The following TAF3 variants were observed in gnomAD, a reference collection of about 807,000 sequenced individuals.
TAF3 encodes TATA-box binding protein associated factor 3, also known as transcription initiation factor TFIID subunit 3.
Under a neutral mutation model 80.6 loss-of-function variants are expected in TAF3, and 7 were observed. The ratio of observed to expected loss-of-function variants is 0.09; its 90% CI spans 0.05 to 0.16. TAF3 has a LOEUF of 0.16. Ranked by LOEUF, TAF3 falls within the 10% of genes least tolerant of loss-of-function variation. The probability of loss-of-function intolerance (pLI) is 1.00; values close to 1 mark genes in which losing one functional copy is unlikely to be tolerated. For synonymous variants in TAF3, 444 were observed against 446.1 expected, an observed-to-expected ratio of 1.00 and a Z score of 0.06; for missense variants, 921 against 1,140.2, an observed-to-expected ratio of 0.81 and a Z score of 2.77.
At chr10:7,882,928 G>A (rs896833730) in intron 2 of TAF3, among the ~76,000 whole-genome samples, 2 of 152,192 alleles carry the variant, frequency 1.3e-5, no homozygotes, top group Non-Finnish European at 2.9e-5. Context: ...GTAGATACAT[G>A]TTATTTTTTG....
chr10:7,906,938 G>A lies in TAF3; in HGVS notation c.410-56982G>A, dbSNP rs187262307. On this transcript the variant is annotated intron_variant, in intron 2 of 6. Transcript: ENST00000344293. ...GCCTCTTGACATTCCTAACCTAACA[G>A]CGTGATTCTTATCTAAGACTTTGCA... is the stretch of plus-strand genomic sequence containing the variant. Among the ~76,000 whole-genome samples, 13 of 151,884 alleles carry A rather than the reference G, an allele frequency of 8.6e-5. No homozygotes were observed. In the East Asian group the frequency reaches 2.6e-3, roughly 30 times the overall value.
intron 2 of TAF3, among the ~76,000 whole-genome samples, chr10:7,918,254 A>G (rs4747631): frequency 0.35 from 53,694 of 151,962 alleles, 10,614 homozygotes; most frequent in Admixed American, 0.48. Context: ...ACGAGAATGT[A>G]TGAAATGGTC....
chr10:7,926,583 G>T (rs1020088442), intron 2 of TAF3, among the ~76,000 whole-genome samples: 1 of 152,204 alleles, frequency 6.6e-6, no homozygotes, highest in African/African-American at 2.4e-5. Flanking sequence ...ATGAGTTATT[G>T]TCTGTTATGG....
intron 2 of TAF3, among the ~76,000 whole-genome samples, chr10:7,961,534 GTTC>G (rs1231768385): frequency 1.3e-5 from 2 of 152,062 alleles, no homozygotes; most frequent in Non-Finnish European, 2.9e-5. Context: ...TATTTCTTTA[GTTC>G]TTCTTCCTTT....
At chr10:7,981,227 C>T (rs888624337) in intron 4 of TAF3, among the ~76,000 whole-genome samples, 3 of 152,206 alleles carry the variant, frequency 2.0e-5, no homozygotes, top group African/African-American at 7.2e-5. Context: ...TTGCTGCTGT[C>T]TTCTCCCAAG....
intron 1 of TAF3, among the ~76,000 whole-genome samples, chr10:7,822,237 C>A (rs1836696862): frequency 3.9e-5 from 5 of 127,666 alleles, no homozygotes; most frequent in African/African-American, 2.9e-5. Flanking sequence ...AATCTGAAAT[C>A]ATGGTTAAAA....
intron 4 of TAF3, among the ~76,000 whole-genome samples, chr10:7,992,817 T>C (rs1274838325): frequency 2.0e-5 from 3 of 152,238 alleles, no homozygotes; most frequent in Admixed American, 2.0e-4. Flanking sequence ...CACTTTCATC[T>C]GCTGGCAACT....
chr10:7,844,965 C>A (rs1836955241), intron 2 of TAF3, among the ~76,000 whole-genome samples: 3 of 151,890 alleles, frequency 2.0e-5, no homozygotes, highest in Non-Finnish European at 4.4e-5. Context: ...ACATGTTTTT[C>A]TTTTATATTA....
chr10:7,849,142 C>T lies in TAF3; in HGVS notation c.409+24582C>T, dbSNP rs186954620. Among the ~76,000 whole-genome samples the T allele has an allele frequency of 2.3e-3, 346 of 152,250 alleles. 2 individuals are homozygous for T. The highest frequency in any genetic ancestry group is 7.8e-3 in the African/African-American group (325 of 41,532). On this transcript the variant is annotated intron_variant, in intron 2 of 6. Transcript: ENST00000344293. ...TTCACACACATTAACTCATTGAATC[C>T]TCATAATAATCCTGTGAAGGAAGTA... is the stretch of plus-strand genomic sequence containing the variant.
intron 4 of TAF3, among the ~76,000 whole-genome samples, chr10:8,006,379 A>G (rs1831993859): frequency 6.6e-6 from 1 of 152,096 alleles, no homozygotes; most frequent in African/African-American, 2.4e-5. Flanking sequence ...TCCATCTCAA[A>G]AAAAAAAAAC....
intron 4 of TAF3, among the ~76,000 whole-genome samples, chr10:7,985,965 G>T (rs1831773173): frequency 6.6e-6 from 1 of 151,764 alleles, no homozygotes; most frequent in South Asian, 2.1e-4. Flanking sequence ...TGTATTTTTA[G>T]TAGAGACAGG....
At chr10:7,888,198 C>T (rs541835593) in intron 2 of TAF3, among the ~76,000 whole-genome samples, 2 of 152,248 alleles carry the variant, frequency 1.3e-5, no homozygotes, top group South Asian at 4.1e-4. Flanking sequence ...GATCTACACC[C>T]CTTCCTTGTT....
chr10:7,821,786 G>A (rs947466119), intron 1 of TAF3, among the ~76,000 whole-genome samples: 8 of 152,154 alleles, frequency 5.3e-5, no homozygotes, highest in African/African-American at 1.9e-4. Flanking sequence ...GATAAGAGGA[G>A]AGATGGCTGT....
At chr10:7,877,219 A>G (rs2131151041) in intron 2 of TAF3, among the ~76,000 whole-genome samples, 1 of 152,306 alleles carries the variant, frequency 6.6e-6, no homozygotes, top group Non-Finnish European at 1.5e-5. Flanking sequence ...GTCTTTAGAA[A>G]TAATTTATAC....
intron 2 of TAF3, among the ~76,000 whole-genome samples, chr10:7,911,841 CT>C (rs1189759215): frequency 6.6e-6 from 1 of 152,044 alleles, no homozygotes; most frequent in Non-Finnish European, 1.5e-5. Context: ...GGGGCCAAAA[CT>C]TTTTTTTCTC....
At chr10:7,985,994 G>A (rs1480514374) in intron 4 of TAF3, among the ~76,000 whole-genome samples, 1 of 151,914 alleles carries the variant, frequency 6.6e-6, no homozygotes, top group Non-Finnish European at 1.5e-5. Context: ...TTGTTGGCCA[G>A]GCTGGCCTCA....
At chr10:7,862,390 C>G (rs958647403) in intron 2 of TAF3, among the ~76,000 whole-genome samples, 7 of 152,152 alleles carry the variant, frequency 4.6e-5, no homozygotes, top group African/African-American at 1.7e-4. Context: ...AGGAAGTTAC[C>G]TTAGTTCAAC....
intron 2 of TAF3, among the ~76,000 whole-genome samples, chr10:7,959,569 C>T (rs1337765638): frequency 2.0e-5 from 3 of 152,130 alleles, no homozygotes; most frequent in Non-Finnish European, 1.5e-5. Context: ...TACTTTAAAT[C>T]AAGCTTAATG....
At chr10:7,846,172 C>G (rs368559545) in intron 2 of TAF3, among the ~76,000 whole-genome samples, 2 of 151,986 alleles carry the variant, frequency 1.3e-5, no homozygotes, top group East Asian at 3.9e-4. Context: ...TTAGCCAGGA[C>G]GGTCTCGATC....
Sources: allele counts gnomAD v4.1 joint callset (sites outside exome capture counted in the v4.1 genomes callset), GRCh38; gene constraint gnomAD v4.1.1; transcripts MANE v1.5; gene names NCBI Gene and HGNC (gene_info 2026-07-23, HGNC 2026-07-21).